RSRC1: variants seen among roughly 807,000 people sequenced by gnomAD.
RSRC1 encodes serine/Arginine-related protein 53.
RSRC1 carries 39 observed loss-of-function variants against 49.1 expected under a neutral mutation model. The observed-to-expected ratio is 0.79, with a 90% CI of 0.61 to 1.04. The LOEUF (loss-of-function observed/expected upper bound fraction) is 1.04. RSRC1 is among the 50% of genes least tolerant of loss of function. The probability of loss-of-function intolerance (pLI) is 0.00; values close to 1 mark genes in which losing one functional copy is unlikely to be tolerated. For synonymous variants in RSRC1, 143 were observed against 130.8 expected, an observed-to-expected ratio of 1.09 and a Z score of -0.63; for missense variants, 388 against 402.4, an observed-to-expected ratio of 0.96 and a Z score of 0.31.
chr3:158,314,856 A>AC (rs1446393720), intron 5 of RSRC1, among the ~76,000 whole-genome samples: 3 of 151,976 alleles, frequency 2.0e-5, no homozygotes, highest in Middle Eastern at 3.2e-3. Context: ...AAATGGTGAA[A>AC]CCCCGTCTCT....
chr3:158,527,131 G>A lies in RSRC1; in HGVS notation c.653-9961G>A, dbSNP rs1242845418. Reference sequence around the variant, plus strand: ...TAGAAGACTTCTGAATATACTCGCCGCTTCTGAATATACTCCCAGCCCCAT... The same window carrying A: ...TAGAAGACTTCTGAATATACTCGCCACTTCTGAATATACTCCCAGCCCCAT... On this transcript the variant is annotated intron_variant, in intron 7 of 9. Transcript: ENST00000611884. Among the ~76,000 whole-genome samples, 6 of 126,510 alleles carry A rather than the reference G, an allele frequency of 4.7e-5. No individual in the cohort carries two copies. In the South Asian group the frequency reaches 1.0e-3, roughly 21 times the overall value. The allele number at this position is 126,510 out of a possible 152,430, so 83.0% of individuals were successfully genotyped here.
chr3:158,218,231 A>G (rs1043727140), intron 4 of RSRC1, among the ~76,000 whole-genome samples: 9 of 151,648 alleles, frequency 5.9e-5, no homozygotes, highest in African/African-American at 2.2e-4. Context: ...TGTTTTGAAA[A>G]GATCACTCCA....
intron 7 of RSRC1, among the ~76,000 whole-genome samples, chr3:158,477,798 T>TTTTTTATATATATATATA (rs1485762587): frequency 8.9e-5 from 8 of 89,770 alleles, no homozygotes; most frequent in African/African-American, 1.4e-4. Flanking sequence ...CGGGAGGGAT[T>TTTTTTATATATATATATA]TATATATATA....
intron 7 of RSRC1, among the ~76,000 whole-genome samples, chr3:158,516,293 G>C (rs1740529273): frequency 2.0e-5 from 3 of 152,064 alleles, no homozygotes; most frequent in Admixed American, 2.0e-4. Context: ...TGTCCTTTCT[G>C]TTTGTTAGTT....
At chr3:158,307,059 A>C (rs147777106) in intron 5 of RSRC1, among the ~76,000 whole-genome samples, 147 of 151,768 alleles carry the variant, frequency 9.7e-4, no homozygotes, top group African/African-American at 3.4e-3. Flanking sequence ...GAGTGGTAAA[A>C]GCAAGATGCG....
chr3:158,208,545 A>T (rs909429907), intron 4 of RSRC1, among the ~76,000 whole-genome samples: 8 of 151,722 alleles, frequency 5.3e-5, no homozygotes, highest in Non-Finnish European at 1.0e-4. Context: ...TTTATTCTTT[A>T]TTTTTTCTTG....
chr3:158,126,874 T>TTTTTTGTTTTTG (rs139992270), intron 3 of RSRC1, among the ~76,000 whole-genome samples: 1 of 150,720 alleles, frequency 6.6e-6, no homozygotes, highest in East Asian at 2.0e-4. Flanking sequence ...TGACAGGGTT[T>TTTTTTGTTTTTG]TTTTTGTTTT....
chr3:158,309,730 C>T (rs941301345), intron 5 of RSRC1, among the ~76,000 whole-genome samples: 3 of 151,502 alleles, frequency 2.0e-5, no homozygotes, highest in African/African-American at 7.3e-5. Flanking sequence ...AATAGCTACC[C>T]GAATATGTGA....
intron 5 of RSRC1, among the ~76,000 whole-genome samples, chr3:158,344,717 CTCTT>C (rs1161172729): frequency 1.3e-5 from 2 of 152,106 alleles, no homozygotes; most frequent in East Asian, 3.8e-4. Flanking sequence ...ATAAATATGT[CTCTT>C]TATAAGATAA....
chr3:158,464,735 A>G (rs1459106624), intron 7 of RSRC1, among the ~76,000 whole-genome samples: 1 of 152,150 alleles, frequency 6.6e-6, no homozygotes, highest in Non-Finnish European at 1.5e-5. Flanking sequence ...TTGCCAGACA[A>G]TGTTCTAAGT....
intron 3 of RSRC1, among the ~76,000 whole-genome samples, chr3:158,168,160 A>G (rs1477048535): frequency 6.6e-6 from 1 of 152,202 alleles, no homozygotes; most frequent in African/African-American, 2.4e-5. Context: ...TAGTTGCTAC[A>G]GAGACCTCAT....
intron 4 of RSRC1, among the ~76,000 whole-genome samples, chr3:158,273,566 G>T (rs1056982141): frequency 6.6e-6 from 1 of 151,982 alleles, no homozygotes; most frequent in African/African-American, 2.4e-5. Flanking sequence ...TGTTAGCACT[G>T]AGGCCTATTT....
chr3:158,224,157 T>C lies in RSRC1; in HGVS notation c.494+20912T>C, dbSNP rs1416178181. ...GAAGTAAGATTTATACATAAATGAA[T>C]TTAATGACTAAATATGTCACTTGGA... On this transcript the variant is annotated intron_variant, in intron 4 of 9. Transcript: ENST00000611884. 5.9e-5 allele frequency among the ~76,000 whole-genome samples: 9 copies of C among 151,846 alleles called. No homozygotes were observed. In the Admixed American group the frequency reaches 5.9e-4, roughly 10 times the overall value.
intron 5 of RSRC1, among the ~76,000 whole-genome samples, chr3:158,342,182 G>T (rs964607743): frequency 2.0e-5 from 3 of 152,144 alleles, no homozygotes; most frequent in Admixed American, 6.5e-5. Flanking sequence ...AGCCTTTGGG[G>T]TACTGTTGGG....
chr3:158,414,596 C>T (rs190272102), intron 6 of RSRC1, among the ~76,000 whole-genome samples: 26 of 152,046 alleles, frequency 1.7e-4, no homozygotes, highest in African/African-American at 3.4e-4. Context: ...GTGGCACGCA[C>T]CTGTAGTCCC....
intron 6 of RSRC1, among the ~76,000 whole-genome samples, chr3:158,355,916 C>T (rs1269147895): frequency 1.3e-5 from 2 of 151,728 alleles, no homozygotes; most frequent in African/African-American, 2.4e-5. Context: ...TACACACACA[C>T]ATATACACAC....
chr3:158,183,271 G>C lies in RSRC1; in HGVS notation c.321-19801G>C, dbSNP rs190885638. ...GGTTTTTATTATTTTTAAGATAATA[G>C]ATTGAATTTTAATTTAATTATTTTT... is the stretch of plus-strand genomic sequence containing the variant. On this transcript the variant is annotated intron_variant, in intron 3 of 9. Transcript: ENST00000611884. 3.8e-4 allele frequency among the ~76,000 whole-genome samples: 58 copies of C among 150,962 alleles called. 1 individual carries two copies. In the East Asian group the frequency reaches 9.6e-3, roughly 25 times the overall value.
At chr3:158,417,292 A>C (rs1274581617) in intron 6 of RSRC1, among the ~76,000 whole-genome samples, 1 of 151,832 alleles carries the variant, frequency 6.6e-6, no homozygotes, top group African/African-American at 2.4e-5. Flanking sequence ...TCCTTTTCCA[A>C]CTCCTAAAGC....
chr3:158,482,163 TAAC>T (rs1467527352), intron 7 of RSRC1, among the ~76,000 whole-genome samples: 6 of 151,906 alleles, frequency 3.9e-5, no homozygotes, highest in African/African-American at 1.4e-4. Flanking sequence ...AATAGTGAAT[TAAC>T]AAATTAGTTT....
Sources: allele counts gnomAD v4.1 joint callset (sites outside exome capture counted in the v4.1 genomes callset), GRCh38; gene constraint gnomAD v4.1.1; transcripts MANE v1.5; gene names NCBI Gene and HGNC (gene_info 2026-07-23, HGNC 2026-07-21).